PTPRT: variants seen among roughly 807,000 people sequenced by gnomAD.
PTPRT encodes protein tyrosine phosphatase receptor type T.
Under a neutral mutation model 176.8 loss-of-function variants are expected in PTPRT, and 56 were observed. That is an observed-to-expected ratio of 0.32 (90% CI 0.26 to 0.40). PTPRT has a LOEUF of 0.40. PTPRT is among the 10% of genes least tolerant of loss of function. PTPRT has a pLI of 1.00. For synonymous variants in PTPRT, 783 were observed against 739.0 expected, an observed-to-expected ratio of 1.06 and a Z score of -0.96; for missense variants, 1,540 against 1,908.2, an observed-to-expected ratio of 0.81 and a Z score of 3.60.
At chr20:42,918,168 T>C (rs77269661) in intron 1 of PTPRT, among the ~76,000 whole-genome samples, 1,673 of 152,050 alleles carry the variant, frequency 0.011, 28 homozygotes, top group African/African-American at 0.038. Context: ...TGGAGACCAG[T>C]AGTGAGAGGT....
rs1555845630 is a variant in PTPRT at position 43,188,749 on chromosome 20, T to TGC, written c.88+896_88+897insGC. 5.3e-3 allele frequency among the ~76,000 whole-genome samples: 308 copies of TGC among 58,210 alleles called. 31 individuals carry two copies. The East Asian group carries it at 0.14, about 26-fold the overall frequency. The allele number at this position is 58,210 out of a possible 152,430, so 38.2% of individuals were successfully genotyped here. A position where few individuals can be genotyped will look rare whatever the true frequency, so the allele number is the denominator to read the frequency against. On this transcript the variant is annotated intron_variant, in intron 1 of 30. Coordinates refer to ENST00000373187, the MANE Select transcript of PTPRT (RefSeq NM_007050.6). ...CTTCTCTTCCCTCCGCCGCTACTCTTGGGGGGGGGGGGGCTCGGGGGTGGA... is the reference window on the plus strand; with the variant it reads ...CTTCTCTTCCCTCCGCCGCTACTCTTGCGGGGGGGGGGGGGCTCGGGGGTGGA...
At chr20:42,485,113 T>A (rs1031879671) in intron 7 of PTPRT, among the ~76,000 whole-genome samples, 1 of 152,192 alleles carries the variant, frequency 6.6e-6, no homozygotes, top group African/African-American at 2.4e-5. Flanking sequence ...TTTGGAATGT[T>A]TAAAAATTAC....
At chr20:42,284,779 A>G (rs927226112) in intron 12 of PTPRT, among the ~76,000 whole-genome samples, 4 of 151,952 alleles carry the variant, frequency 2.6e-5, no homozygotes, top group African/African-American at 9.7e-5. Context: ...CATAAAAACT[A>G]TAAGTGTCTC....
intron 15 of PTPRT, among the ~76,000 whole-genome samples, chr20:42,205,389 T>C (rs1046102284): frequency 1.3e-5 from 2 of 152,172 alleles, no homozygotes; most frequent in African/African-American, 4.8e-5. Context: ...GTACGTTGAA[T>C]CTGTGGCTGT....
intron 17 of PTPRT, among the ~76,000 whole-genome samples, chr20:42,159,643 G>A (rs1989505233): frequency 6.6e-6 from 1 of 152,096 alleles, no homozygotes. Flanking sequence ...TTCAAGATTT[G>A]TAGATGAGAA....
intron 14 of PTPRT, among the ~76,000 whole-genome samples, chr20:42,237,404 A>G (rs762770970): frequency 3.9e-5 from 6 of 152,216 alleles, no homozygotes; most frequent in Non-Finnish European, 8.8e-5. Flanking sequence ...CCTTAGGTCC[A>G]TTAAACTAGA....
At chr20:42,598,302 G>A (rs942064649) in intron 7 of PTPRT, among the ~76,000 whole-genome samples, 1 of 152,114 alleles carries the variant, frequency 6.6e-6, no homozygotes, top group Non-Finnish European at 1.5e-5. Context: ...GTATCTTCAG[G>A]TATGGGAATA....
the PTPRT span, among the ~76,000 whole-genome samples, chr20:42,048,914 C>T: frequency 7.2e-5 from 11 of 152,132 alleles, no homozygotes; most frequent in East Asian, 1.9e-4. Context: ...CTCTGCCTCC[C>T]GGGTTCAAGC....
chr20:42,635,747 G>A lies in PTPRT; in HGVS notation c.1153+42119C>T, dbSNP rs549683669. Among the ~76,000 whole-genome samples, 341 of 151,964 alleles carry A rather than the reference G, an allele frequency of 2.2e-3. 2 individuals carry two copies. The highest frequency in any genetic ancestry group is 8.0e-3 in the African/African-American group (331 of 41,418). On this transcript the variant is annotated intron_variant, in intron 7 of 30. Transcript: ENST00000373187. The stretch of plus-strand genomic sequence containing the variant: ...GATTTTATTTTATTTTTTGTTTTAA[G>A]ACCAAGTAAAAATCCAACTTTCAGC...
At chr20:42,907,228 A>G (rs1334461652) in intron 1 of PTPRT, among the ~76,000 whole-genome samples, 1 of 152,250 alleles carries the variant, frequency 6.6e-6, no homozygotes. Flanking sequence ...AGTGTCCTAA[A>G]TAGGAGACAA....
At position 42,151,173 on chromosome 20, in the gene PTPRT, T is replaced by C. The variant is rs1469541505; in HGVS notation, c.2683-9171A>G. 4.6e-5 allele frequency among the ~76,000 whole-genome samples: 7 copies of C among 152,104 alleles called. No homozygotes were observed. In the South Asian group the frequency reaches 8.3e-4, roughly 18 times the overall value. On this transcript the variant is annotated intron_variant, in intron 17 of 30. Transcript: ENST00000373187. ...TACTTTAAGTAAGTTCTGGGATACA[T>C]GTGCAGAACGTGCAGGTTTGTTACA...
At chr20:43,050,698 T>A (rs1987008841) in intron 1 of PTPRT, among the ~76,000 whole-genome samples, 1 of 152,246 alleles carries the variant, frequency 6.6e-6, no homozygotes, top group South Asian at 2.1e-4. Context: ...GGGAATCATG[T>A]GACTATTATA....
At chr20:42,184,561 A>C (rs6030034) in intron 16 of PTPRT, among the ~76,000 whole-genome samples, 122,990 of 128,148 alleles carry the variant, frequency 0.96, 59,018 homozygotes, top group South Asian at 0.98. Flanking sequence ...TCTTCTTCTT[A>C]TTCTTCTTCT....
At chr20:42,356,903 T>A (rs78414102) in intron 9 of PTPRT, among the ~76,000 whole-genome samples, 5,266 of 152,134 alleles carry the variant, frequency 0.035, 286 homozygotes, top group African/African-American at 0.12. Flanking sequence ...TTGCACCAGC[T>A]CTTCTGTCAG....
intron 1 of PTPRT, among the ~76,000 whole-genome samples, chr20:43,166,801 T>A (rs953588414): frequency 2.6e-5 from 4 of 152,132 alleles, no homozygotes; most frequent in African/African-American, 7.2e-5. Context: ...TTTTGTAAAG[T>A]CCAAATTCAA....
chr20:42,786,695 C>CTG (rs1468225999), intron 3 of PTPRT, among the ~76,000 whole-genome samples: 3 of 152,154 alleles, frequency 2.0e-5, no homozygotes, highest in African/African-American at 7.2e-5. Flanking sequence ...GTACTTCAAC[C>CTG]TGTGGCCCCA....
intron 7 of PTPRT, among the ~76,000 whole-genome samples, chr20:42,523,848 C>T (rs1046180200): frequency 2.6e-5 from 4 of 152,060 alleles, no homozygotes; most frequent in African/African-American, 4.8e-5. Context: ...TAGCCAGGCA[C>T]AGTGACATGT....
chr20:42,819,279 G>A (rs1368116879), intron 2 of PTPRT, among the ~76,000 whole-genome samples: 2 of 152,142 alleles, frequency 1.3e-5, no homozygotes, highest in African/African-American at 4.8e-5. Flanking sequence ...TTTCAACTCA[G>A]AATTTCATAT....
At position 42,532,728 on chromosome 20, in the gene PTPRT, AT is replaced by A. The variant is rs537295267; in HGVS notation, c.1154-60167del. Among the ~76,000 whole-genome samples the A allele has an allele frequency of 1.8e-3, 280 of 152,200 alleles. 1 individual carries two copies. The highest frequency in any genetic ancestry group is 6.5e-3 in the African/African-American group (270 of 41,518). ...ATTTGCTTCTTTGTGTCACAACCAT[AT>A]CCTTAGACCTGAAACCATTCCCCCA... On this transcript the variant is annotated intron_variant, in intron 7 of 30. Coordinates refer to ENST00000373187, the MANE Select transcript of PTPRT (RefSeq NM_007050.6).
Sources: gnomAD v4.1 joint callset for allele counts (sites outside exome capture counted in the v4.1 genomes callset) on GRCh38, gnomAD v4.1.1 for gene constraint, MANE v1.5 for transcripts, NCBI Gene and HGNC (gene_info 2026-07-23, HGNC 2026-07-21) for gene names.